The following PDZD9 variants were observed in gnomAD, a reference collection of about 807,000 sequenced individuals.
PDZD9 encodes PDZ domain-containing protein 9.
In PDZD9, 13 loss-of-function variants were observed where a neutral mutation model predicts 16.3. That is an observed-to-expected ratio of 0.80 (90% confidence interval 0.52 to 1.27). The LOEUF is 1.27. Ranked by LOEUF, PDZD9 falls within the 50% of genes most tolerant of loss-of-function variation. The probability of loss-of-function intolerance (pLI) is 0.00; values close to 1 mark genes in which losing one functional copy is unlikely to be tolerated. For missense variants in PDZD9, 288 were observed against 310.9 expected, an observed-to-expected ratio of 0.93 and a Z score of 0.55; for synonymous variants, 120 against 111.0, an observed-to-expected ratio of 1.08 and a Z score of -0.51.
chr16:21,987,939 A>G (rs1359414399), intron 3 of PDZD9, among the ~76,000 whole-genome samples: 1 of 150,636 alleles, frequency 6.6e-6, no homozygotes, highest in Non-Finnish European at 1.5e-5. Context: ...CTTAGATGTT[A>G]TTGGGAAGGA....
the PDZD9 span, chr16:21,962,592 G>A: frequency 0.017 from 27,431 of 1,601,440 alleles, 319 homozygotes; most frequent in Non-Finnish European, 0.02. Flanking sequence ...TTTGTAATGC[G>A]TCATTATGAC....
the PDZD9 span, chr16:21,958,663 T>C: frequency 4.9e-6 from 7 of 1,429,330 alleles, no homozygotes; most frequent in Admixed American, 5.5e-5. Context: ...TAAGGGAACT[T>C]TTCTCTGTTA....
intron 1 of PDZD9, among the ~76,000 whole-genome samples, chr16:21,996,884 A>G (rs1157909546): frequency 6.6e-6 from 1 of 152,158 alleles, no homozygotes; most frequent in Non-Finnish European, 1.5e-5. Context: ...GTGCAGCAGC[A>G]TTATCAGGGC....
Position 21,984,609 on chromosome 16 carries a change from A to G in PDZD9, c.453T>C (p.Asp151=), listed in dbSNP as rs1297244352. 1.3e-6 allele frequency: 2 copies of G among 1,540,768 alleles called. No homozygotes were observed. Among genetic ancestry groups the G allele is most frequent in the East Asian group, 2.3e-5 (1 of 43,742 alleles). ...LAKDESFTSS[D]DNENVDLDKR... is the part of the protein sequence containing the mutation. ...TATCTAAATCTACATTTTCATTATC[A>G]TCACTGCTTGTGAAAGATTCATCTT... The change falls in exon 4 of 4, where the codon GAT becomes GAC. Residue 151 remains aspartate (D), a synonymous_variant. Transcript: ENST00000424898.
chr16:21,971,671 C>T, the PDZD9 span: 1 of 1,565,802 alleles, frequency 6.4e-7, no homozygotes, highest in Non-Finnish European at 8.8e-7. Context: ...CGTTTCCCCA[C>T]TAGAATAGCA....
At chr16:21,987,689 G>A (rs148526116) in intron 3 of PDZD9, among the ~76,000 whole-genome samples, 62 of 152,296 alleles carry the variant, frequency 4.1e-4, no homozygotes, top group African/African-American at 1.5e-3. Context: ...AGTGGGATCA[G>A]AAGTGTGAAG....
chr16:21,965,715 A>G, the PDZD9 span, among the ~76,000 whole-genome samples: 10 of 152,376 alleles, frequency 6.6e-5, no homozygotes, highest in East Asian at 1.9e-4. Flanking sequence ...CTAAAGGGAC[A>G]TGATCATTAC....
chr16:21,960,297 A>G, the PDZD9 span, among the ~76,000 whole-genome samples: 3 of 152,188 alleles, frequency 2.0e-5, no homozygotes, highest in African/African-American at 7.2e-5. Flanking sequence ...CTATTATATT[A>G]AGAAGATGGC....
At chr16:21,987,345 G>A (rs867227159) in intron 3 of PDZD9, among the ~76,000 whole-genome samples, 8 of 152,178 alleles carry the variant, frequency 5.3e-5, no homozygotes, top group South Asian at 2.1e-4. Flanking sequence ...ACTTGAACCC[G>A]AGAGGCAGAG....
At chr16:21,997,776 C>T (rs772625799) in intron 1 of PDZD9, among the ~76,000 whole-genome samples, 13 of 152,196 alleles carry the variant, frequency 8.5e-5, no homozygotes, top group Admixed American at 3.9e-4. Flanking sequence ...AACTCCTTTT[C>T]GGTACACAGG....
chr16:21,989,015 G>A (rs927864562), intron 2 of PDZD9, among the ~76,000 whole-genome samples: 4 of 141,622 alleles, frequency 2.8e-5, no homozygotes, highest in African/African-American at 5.4e-5. Context: ...TGCAAGCTCC[G>A]CCTCCCAGGT....
At chr16:21,983,026 G>A (rs1451020919), downstream of PDZD9, 56 of 1,438,984 alleles carry the variant, frequency 3.9e-5, no homozygotes, top group African/African-American at 1.0e-4. Context: ...AAATAAGTTC[G>A]CCTGCTTGAT....
At chr16:21,967,088 CAAAGTT>C in the PDZD9 span, among the ~76,000 whole-genome samples, 1 of 151,848 alleles carries the variant, frequency 6.6e-6, no homozygotes, top group Non-Finnish European at 1.5e-5. Flanking sequence ...TTGGTTATCT[CAAAGTT>C]AATAGTATTT....
chr16:21,980,632 G>T (rs181040575), downstream of PDZD9: 2 of 1,614,124 alleles, frequency 1.2e-6, no homozygotes, highest in East Asian at 4.5e-5. Flanking sequence ...TCTAGTTGCT[G>T]GTTCTTACAT....
At chr16:21,963,089 A>G in the PDZD9 span, 2 of 466,594 alleles carry the variant, frequency 4.3e-6, no homozygotes, top group South Asian at 3.0e-5. Context: ...CCCGGGTTCA[A>G]GCAATTCTCC....
At chr16:21,980,782 T>C, downstream of PDZD9, 2 of 1,518,404 alleles carry the variant, frequency 1.3e-6, no homozygotes, top group Admixed American at 1.8e-5. Context: ...ATAAGCGTCC[T>C]TGGGCAGTGT....
At chr16:21,967,967 T>G in the PDZD9 span, among the ~76,000 whole-genome samples, 1 of 151,836 alleles carries the variant, frequency 6.6e-6, no homozygotes, top group East Asian at 1.9e-4. Context: ...TTTTCAAGTT[T>G]AGGCCAGTGT....
chr16:21,976,286 A>G, the PDZD9 span: 2 of 1,477,602 alleles, frequency 1.4e-6, no homozygotes, highest in East Asian at 2.3e-5. Context: ...TTGTTATTTG[A>G]AAGTTGTATT....
chr16:21,988,156 C>T (rs150649624), intron 3 of PDZD9, among the ~76,000 whole-genome samples: 15 of 151,798 alleles, frequency 9.9e-5, no homozygotes, highest in East Asian at 9.7e-4. Flanking sequence ...TACAGGCACG[C>T]GCCACCACAT....
Sources: allele counts gnomAD v4.1 joint callset (sites outside exome capture counted in the v4.1 genomes callset), GRCh38; gene constraint gnomAD v4.1.1; transcripts MANE v1.5; gene names NCBI Gene and HGNC (gene_info 2026-07-23, HGNC 2026-07-21).